Variants in MUC5B observed in about 807,000 individuals in gnomAD.
The protein encoded by MUC5B is mucin-5B.
A neutral mutation model predicts 376.9 loss-of-function variants in MUC5B; 116 were observed. The observed-to-expected ratio is 0.31, with a 90% CI of 0.26 to 0.36. The LOEUF is 0.36. MUC5B is among the 10% of genes least tolerant of loss of function. The pLI is 1.00. For missense variants in MUC5B, 7,165 were observed against 7,769.9 expected (o/e 0.92, Z 2.93); for synonymous variants, 3,517 against 3,390.9 (o/e 1.04, Z -1.29).
In MUC5B at chr11:1,260,344, C is replaced by T; in HGVS notation, c.16924-7C>T. 1.2e-6 allele frequency: 2 copies of T among 1,612,386 alleles called. No individual in the cohort carries two copies. The highest frequency in any genetic ancestry group is 8.5e-7 in the Non-Finnish European group (1 of 1,179,690). On this transcript the variant is annotated splice_region_variant and splice_polypyrimidine_tract_variant and intron_variant, in intron 46 of 48. Transcript: ENST00000529681. ...CAGCCCTGCCCCCTGTCTTTGGCCC[C>T]CACCAGGGGAGCCTCAGGAAAACCG...
Position 1,249,941 on chromosome 11 carries a change from C to A in MUC5B, c.13061C>A (p.Ser4354Tyr). ...PVATMSTIHPSSTPETTHTST... is the reference protein window; with the variant it reads ...PVATMSTIHPYSTPETTHTST... Reference sequence around the variant, plus strand: ...GCCACCATGTCCACAATCCACCCCTCCTCCACTCCGGAGACCACCCACACC... The same window carrying A: ...GCCACCATGTCCACAATCCACCCCTACTCCACTCCGGAGACCACCCACACC... The change falls in exon 31 of 49, where the codon TCC (serine) becomes TAC (tyrosine). Residue 4354 changes from serine to tyrosine, a missense_variant. Physicochemically the swap from Ser to Tyr is moderately radical, Grantham distance 144 (BLOSUM62 -2). Coordinates refer to ENST00000529681, the MANE Select transcript of MUC5B (RefSeq NM_002458.3). The A allele has an allele frequency of 6.2e-7, 1 of 1,613,408 alleles. No homozygotes were observed. Among genetic ancestry groups the A allele is most frequent in the Non-Finnish European group, 8.5e-7 (1 of 1,179,694 alleles).
Position 1,245,807 on chromosome 11 carries a change from C to T in MUC5B, c.8927C>T (p.Ala2976Val). 3.1e-6 allele frequency: 5 copies of T among 1,613,382 alleles called. No individual in the cohort carries two copies. Among genetic ancestry groups the T allele is most frequent in the Non-Finnish European group, 4.2e-6 (5 of 1,179,800 alleles). ...TACGGCCACTGCCCCAGCACCCCGGCCACCAGCTCTACGGCCACGCCCTCC... is the reference window on the plus strand; with the variant it reads ...TACGGCCACTGCCCCAGCACCCCGGTCACCAGCTCTACGGCCACGCCCTCC... The part of the protein sequence containing the change: ...CNYGHCPSTP[A>V]TSSTATPSST... Residue 2976 changes from alanine to valine, a missense_variant, in exon 31 of 49, where the codon GCC (alanine) becomes GTC (valine). Ala to Val is a moderately conservative substitution (Grantham distance 64, BLOSUM62 0). Transcript: ENST00000529681.
In MUC5B at chr11:1,247,262, C is replaced by T. The variant is rs538662819; in HGVS notation, c.10382C>T (p.Pro3461Leu). 12 of 1,612,198 alleles carry T rather than the reference C, an allele frequency of 7.4e-6. No homozygotes were observed. In the African/African-American group the frequency reaches 1.3e-4, roughly 18 times the overall value. ...TATTHGRSLP[P>L]SSPHTVRTAW... is the part of the protein sequence containing the mutation. ...ACCACACACGGGCGGTCCCTGCCCC[C>T]CAGCAGTCCCCACACGGTGCGCACA... Residue 3461 changes from proline (P) to leucine (L), a missense_variant, in exon 31 of 49, where the codon CCC becomes CTC. By Grantham distance (98) the Pro-to-Leu change is moderately conservative. This residue lies in a region of MUC5B where 939 missense variants were observed against 770.6 expected (regional missense o/e 1.22). Transcript: ENST00000529681.
intron 27 of MUC5B, 38 bp from the exon 28 acceptor site, chr11:1,239,761 G>A (rs55938800): frequency 6.9e-6 from 11 of 1,585,788 alleles, no homozygotes; most frequent in Non-Finnish European, 8.6e-6. Flanking sequence ...GAGACTAAAG[G>A]GCCCTGGTGA....
chr11:1,242,505 T>C lies in MUC5B; in HGVS notation c.5625T>C (p.Arg1875=). Residue 1875 remains arginine (R), a synonymous_variant, in exon 31 of 49, where the codon CGT becomes CGC. Transcript: ENST00000529681. ...RFNMCFNYNV[R]VLCCDDYSHC... ...ACATGTGCTTCAACTACAACGTGCG[T>C]GTGCTTTGCTGTGACGACTACAGCC... The C allele has an allele frequency of 1.2e-6, 2 of 1,613,770 alleles. No individual in the cohort carries two copies. Among genetic ancestry groups the C allele is most frequent in the Non-Finnish European group, 1.7e-6 (2 of 1,179,800 alleles).
rs372672550 is a variant in MUC5B, at chr11:1,247,696, G to A, written c.10816G>A (p.Gly3606Arg). The change falls in exon 31 of 49, where the codon GGG (glycine) becomes AGG (arginine). Residue 3606 changes from glycine to arginine, a missense_variant. Around this residue, in one of 31 missense-constraint regions of MUC5B, gnomAD observed 81 missense variants for 154.5 expected, o/e 0.52. Transcript: ENST00000529681. ...CTACTCCAACATCCGTGCGGCCGGA[G>A]GGGCAGTCTGTGAGCAGCCCCTGGG... ...DTYSNIRAAGGAVCEQPLGLE... is the reference protein window; with the variant it reads ...DTYSNIRAAGRAVCEQPLGLE... 4.4e-6 allele frequency: 7 copies of A among 1,582,900 alleles called. No individual in the cohort carries two copies. Among genetic ancestry groups the A allele is most frequent in the Non-Finnish European group, 6.0e-6 (7 of 1,159,470 alleles).
intron 7 of MUC5B, among the ~76,000 whole-genome samples, 189 bp downstream of exon 7, chr11:1,227,970 T>C (rs1179039944): frequency 3.9e-5 from 6 of 152,164 alleles, no homozygotes. Context: ...TGCGTGTTCA[T>C]CAGGCCACGC....
At position 1,247,422 on chromosome 11, in the gene MUC5B, T is replaced by G. The variant is rs527434789; in HGVS notation, c.10542T>G (p.Pro3514=). The change falls in exon 31 of 49, where the codon CCT becomes CCG. Residue 3514 remains proline, a synonymous_variant. Coordinates refer to ENST00000529681, the MANE Select transcript of MUC5B (RefSeq NM_002458.3). ...CTCCAGCCCTGTCCAGCCCTCACCC[T>G]AGCAGCAGGACCACCGAGTCACCCC... The part of the protein sequence containing the change: ...HSTPALSSPH[P]SSRTTESPPS... The G allele has an allele frequency of 2.6e-5, 42 of 1,608,020 alleles. No homozygotes were observed. In the East Asian group the frequency reaches 8.7e-4, roughly 33 times the overall value.
Position 1,247,581 on chromosome 11 carries a change from G to A in MUC5B, c.10701G>A (p.Val3567=). 6.2e-7 allele frequency: 1 copy of A among 1,610,906 alleles called. No individual in the cohort carries two copies. Among genetic ancestry groups the A allele is most frequent in the African/African-American group, 1.3e-5 (1 of 74,874 alleles). The change falls in exon 31 of 49, where the codon GTG becomes GTA. Residue 3567 remains valine, a synonymous_variant. Coordinates refer to ENST00000529681, the MANE Select transcript of MUC5B (RefSeq NM_002458.3). ...SPTSAPITTV[V]TTGCEPQCAW... is the part of the protein sequence containing the mutation. Reference sequence around the variant, plus strand: ...CATCGGCCCCCATAACCACGGTGGTGACCACGGGCTGTGAGCCCCAGTGTG... The same window carrying A: ...CATCGGCCCCCATAACCACGGTGGTAACCACGGGCTGTGAGCCCCAGTGTG...
chr11:1,252,579 C>A, intron 32 of MUC5B, 55 bp downstream of exon 32: 1 of 1,458,370 alleles, frequency 6.9e-7, no homozygotes, highest in Non-Finnish European at 9.1e-7. Flanking sequence ...TCTGGGTTGG[C>A]TGGAGGCACA....
Position 1,226,632 on chromosome 11 carries a change from A to G in MUC5B, c.217A>G (p.Asn73Asp). 6.2e-7 allele frequency: 1 copy of G among 1,610,902 alleles called. No individual in the cohort carries two copies. Among genetic ancestry groups the G allele is most frequent in the Non-Finnish European group, 8.5e-7 (1 of 1,179,176 alleles). Reference sequence around the variant, plus strand: ...CCCCACAGCCCTGAACCCGGCGCACAATGGGCGGGTGTGCAGCACCTGGGG... The same window carrying G: ...CCCCACAGCCCTGAACCCGGCGCACGATGGGCGGGTGTGCAGCACCTGGGG... The part of the protein sequence containing the change: ...PSLSPLNPAH[N>D]GRVCSTWGDF... Residue 73 changes from asparagine to aspartate, a missense_variant, in exon 4 of 49, where the codon AAT becomes GAT. Physicochemically the swap from Asn to Asp is conservative, Grantham distance 23. Coordinates refer to ENST00000529681, the MANE Select transcript of MUC5B (RefSeq NM_002458.3).
chr11:1,252,532 C>T lies in MUC5B; in HGVS notation c.15045+8C>T, dbSNP rs1382544460. The T allele has an allele frequency of 2.0e-6, 3 of 1,535,058 alleles. No individual in the cohort carries two copies. Among genetic ancestry groups the T allele is most frequent in the Non-Finnish European group, 2.6e-6 (3 of 1,140,562 alleles). The stretch of plus-strand genomic sequence containing the variant: ...GCCATCCCTCTCCGGCAGGTGGGCC[C>T]CGCCTGCCCTCCACCTCCCGTGCTG... On this transcript the variant is annotated splice_region_variant and intron_variant, in intron 32 of 48. Transcript: ENST00000529681.
intron 24 of MUC5B, 33 bp downstream of exon 24, chr11:1,236,595 A>T: frequency 6.3e-7 from 1 of 1,596,680 alleles, no homozygotes; most frequent in South Asian, 1.1e-5. Flanking sequence ...TAGGCCCTGC[A>T]GGACCCTCTC....
Position 1,236,872 on chromosome 11 carries a change from A to G in MUC5B, c.3058-53A>G. On this transcript the variant is annotated intron_variant, in intron 24 of 48. Coordinates refer to ENST00000529681, the MANE Select transcript of MUC5B (RefSeq NM_002458.3). ...CAGGGTGGGCTCTGTGCTGCCTCCC[A>G]CGGGTGCCTGTGGCCCCAGCTCCAG... 2.1e-6 allele frequency: 3 copies of G among 1,395,758 alleles called. No individual in the cohort carries two copies. The South Asian group carries it at 5.1e-5, about 24-fold the overall frequency. The allele number at this position is 1,395,758 out of a possible 1,614,324, so 86.5% of individuals were successfully genotyped here. A position where few individuals can be genotyped will look rare whatever the true frequency, so the allele number is the denominator to read the frequency against.
rs1386498496 is a variant in MUC5B, at chr11:1,231,931, G to T, written c.1679-65G>T. 25 of 1,600,428 alleles carry T rather than the reference G, an allele frequency of 1.6e-5. No homozygotes were observed. In the Admixed American group the frequency reaches 4.2e-4, roughly 27 times the overall value. On this transcript the variant is annotated intron_variant, in intron 14 of 48. Transcript: ENST00000529681. The stretch of plus-strand genomic sequence containing the variant: ...CACCCTGTGTGGTGCCTGGAGGGAT[G>T]GCAGGGGCCAGGAGCCAGGTGGGCC...
At chr11:1,226,484 G>A (rs1861884645) in intron 3 of MUC5B, 131 bp from the exon 4 acceptor site, 1 of 1,359,972 alleles carries the variant, frequency 7.4e-7, no homozygotes, top group South Asian at 1.4e-5. Context: ...AGTCCAGGGT[G>A]AGCCAGGCAG....
chr11:1,249,032 C>G lies in MUC5B; in HGVS notation c.12152C>G (p.Thr4051Ser). ...GAGCCTTCCACGGGGACTTCCCACA[C>G]CCCAGCAGCAACCACCGGTACCACC... The part of the protein sequence containing the change: ...ITEPSTGTSH[T>S]PAATTGTTQH... Residue 4051 changes from threonine to serine, a missense_variant, in exon 31 of 49, where the codon ACC (threonine) becomes AGC (serine). Transcript: ENST00000529681. 6.2e-7 allele frequency: 1 copy of G among 1,610,408 alleles called. No individual in the cohort carries two copies. The highest frequency in any genetic ancestry group is 8.5e-7 in the Non-Finnish European group (1 of 1,179,306).
At chr11:1,233,675 C>A in intron 18 of MUC5B, 118 bp from the exon 19 acceptor site, 1 of 987,680 alleles carries the variant, frequency 1.0e-6, no homozygotes, top group South Asian at 1.4e-5. Context: ...ACCGTCTGGC[C>A]TTACAAGGAG....
At chr11:1,226,902 C>A (rs752193141) in intron 4 of MUC5B, 26 bp downstream of exon 4, 1 of 1,394,418 alleles carries the variant, frequency 7.2e-7, no homozygotes, top group Admixed American at 1.9e-5. Flanking sequence ...TGGGGAGGGG[C>A]GAGGGCCGGG....
Sources: allele counts gnomAD v4.1 joint callset (sites outside exome capture counted in the v4.1 genomes callset), GRCh38; gene constraint gnomAD v4.1.1; regional missense constraint gnomAD v4.1.1; transcripts MANE v1.5; gene names NCBI Gene and HGNC (gene_info 2026-07-23, HGNC 2026-07-21).